The following BSDC1 variants were observed in gnomAD, a reference collection of about 807,000 sequenced individuals.
The protein encoded by BSDC1 is BSD domain containing 1, also known as BSD domain-containing protein 1.
BSDC1 carries 29 observed loss-of-function variants against 56.0 expected under a neutral mutation model. The ratio of observed to expected loss-of-function variants is 0.52; its 90% CI spans 0.39 to 0.71. BSDC1 has a LOEUF of 0.71. BSDC1 is among the 30% of genes least tolerant of loss of function. The pLI is 0.00. For synonymous variants in BSDC1, 210 were observed against 215.3 expected, an observed-to-expected ratio of 0.98 and a Z score of 0.21; for missense variants, 477 against 548.5, an observed-to-expected ratio of 0.87 and a Z score of 1.30.
chr1:32,366,318 C>T lies in BSDC1; in HGVS notation c.*304G>A, dbSNP rs1416078940. The T allele has an allele frequency of 1.7e-6, 1 of 586,592 alleles. No homozygotes were observed. The highest frequency in any genetic ancestry group is 1.9e-5 in the African/African-American group (1 of 54,008). 36.3% of individuals were successfully genotyped at this position (586,592 alleles called of 1,614,324 possible). On this transcript the variant is annotated 3_prime_UTR_variant, in exon 11 of 11. Transcript: ENST00000455895. ...CCCTTGGGACTTCCCAGCAGGAGTC[C>T]TCAGGAACAGTGGGTGTTCAGCAGA...
chr1:32,394,143 G>A lies in BSDC1; in HGVS notation c.12-3C>T. The stretch of plus-strand genomic sequence containing the variant: ...TCCGCCACCATCCCACGTCCTCCCT[G>A]TGGAAGACAGACACATCTGGCAGCA... On this transcript the variant is annotated splice_polypyrimidine_tract_variant and splice_region_variant and intron_variant, in intron 1 of 10. Transcript: ENST00000455895. The A allele has an allele frequency of 1.2e-6, 2 of 1,608,266 alleles. No individual in the cohort carries two copies. Among genetic ancestry groups the A allele is most frequent in the Non-Finnish European group, 1.7e-6 (2 of 1,177,468 alleles).
rs1021624004 is a variant in BSDC1, at chr1:32,365,561, C to G, written c.*1061G>C. Reference sequence around the variant, plus strand: ...AGATTCCTGCAGCCCCTCATTCCCCCAGAGGTGCAGCTTTACCAGAGTGGA... The same window carrying G: ...AGATTCCTGCAGCCCCTCATTCCCCGAGAGGTGCAGCTTTACCAGAGTGGA... On this transcript the variant is annotated 3_prime_UTR_variant, in exon 11 of 11. Coordinates refer to ENST00000455895, the MANE Select transcript of BSDC1 (RefSeq NM_018045.8). The G allele has an allele frequency of 2.0e-5, 3 of 152,720 alleles. No individual in the cohort carries two copies. Among genetic ancestry groups the G allele is most frequent in the African/African-American group, 4.8e-5 (2 of 41,444 alleles). The allele number at this position is 152,720 out of a possible 1,614,324, so 9.5% of individuals were successfully genotyped here.
rs192423385 is a variant in BSDC1 at position 32,381,393 on chromosome 1, A to T, written c.358-125T>A. On this transcript the variant is annotated intron_variant, in intron 4 of 10. Coordinates refer to ENST00000455895, the MANE Select transcript of BSDC1 (RefSeq NM_018045.8). The stretch of plus-strand genomic sequence containing the variant: ...CTCCCTTGTTGGCTGGGATACCCCC[A>T]GGGCATCTGTTAATTAGCACTGTGG... The T allele has an allele frequency of 1.8e-4, 162 of 920,524 alleles. 1 individual carries two copies. The African/African-American group carries it at 2.3e-3, about 13-fold the overall frequency. The allele number at this position is 920,524 out of a possible 1,614,324, so 57.0% of individuals were successfully genotyped here.
rs537756574 is a variant in BSDC1, at chr1:32,364,819, A to G, written c.*1803T>C. 1.3e-5 allele frequency among the ~76,000 whole-genome samples: 2 copies of G among 152,346 alleles called. No homozygotes were observed. Among genetic ancestry groups the G allele is most frequent in the East Asian group, 3.9e-4 (2 of 5,186 alleles). ...ACAGGGGGAAGAGAGGATAAAAATG[A>G]CCAAGAGCAACTGAAGCCATTCTTG... On this transcript the variant is annotated 3_prime_UTR_variant, in exon 11 of 11. Transcript: ENST00000455895.
intron 9 of BSDC1, among the ~76,000 whole-genome samples, chr1:32,369,717 A>G (rs905329917): frequency 2.0e-5 from 3 of 152,196 alleles, no homozygotes; most frequent in Non-Finnish European, 4.4e-5. Context: ...CATTGCTCAA[A>G]TCGTACCTTC....
At chr1:32,388,824 C>G (rs924611324) in intron 2 of BSDC1, among the ~76,000 whole-genome samples, 1 of 152,186 alleles carries the variant, frequency 6.6e-6, no homozygotes, top group East Asian at 1.9e-4. Flanking sequence ...TCTGTAAACA[C>G]GATGAAGGAA....
At chr1:32,369,882 T>C (rs1642008129) in intron 9 of BSDC1, among the ~76,000 whole-genome samples, 1 of 152,258 alleles carries the variant, frequency 6.6e-6, no homozygotes, top group African/African-American at 2.4e-5. Flanking sequence ...AACCTCCGCC[T>C]CCTGGGTTCA....
chr1:32,386,936 C>T, intron 2 of BSDC1, 41 bp from the exon 3 acceptor site: 1 of 1,505,552 alleles, frequency 6.6e-7, no homozygotes, highest in South Asian at 1.1e-5. Flanking sequence ...CAGCTGGCCC[C>T]ACCACCCCTT....
intron 10 of BSDC1, chr1:32,368,032 C>CTTTT: frequency 5.8e-6 from 6 of 1,025,752 alleles, no homozygotes; most frequent in East Asian, 6.6e-5. Flanking sequence ...TTCTTTTTTC[C>CTTTT]TTTTTTTTTT....
chr1:32,385,483 T>C (rs1023940104), intron 3 of BSDC1, among the ~76,000 whole-genome samples: 16 of 152,048 alleles, frequency 1.1e-4, no homozygotes, highest in Non-Finnish European at 7.4e-5. Context: ...TCCCAGCACT[T>C]TGGGAGGCCG....
chr1:32,394,183 C>T (rs749949954), intron 1 of BSDC1, 43 bp from the exon 2 acceptor site: 3 of 1,593,148 alleles, frequency 1.9e-6, no homozygotes, highest in Non-Finnish European at 1.7e-6. Flanking sequence ...GGTGCGATTC[C>T]TGCCCGCCCA....
At chr1:32,388,050 C>T (rs1307754503) in intron 2 of BSDC1, among the ~76,000 whole-genome samples, 2 of 152,220 alleles carry the variant, frequency 1.3e-5, no homozygotes, top group East Asian at 3.9e-4. Flanking sequence ...CCTCAGCTCA[C>T]TTCTAGGTCT....
At chr1:32,379,334 A>T (rs910177632) in intron 5 of BSDC1, among the ~76,000 whole-genome samples, 6 of 149,820 alleles carry the variant, frequency 4.0e-5, no homozygotes, top group Non-Finnish European at 7.4e-5. Flanking sequence ...CTGGCTTTTT[A>T]TTTTTTTTCC....
intron 4 of BSDC1, among the ~76,000 whole-genome samples, chr1:32,382,693 G>A (rs1452362377): frequency 3.6e-4 from 50 of 137,430 alleles, no homozygotes; most frequent in Middle Eastern, 3.8e-3. Context: ...AGACCTCATC[G>A]CTACAAAAAA....
intron 10 of BSDC1, 167 bp from the exon 11 acceptor site, chr1:32,366,821 G>C (rs1046352817): frequency 1.0e-5 from 14 of 1,368,206 alleles, no homozygotes; most frequent in Non-Finnish European, 1.3e-5. Context: ...ATGTGTCTGA[G>C]GGGCAGAGCT....
intron 9 of BSDC1, among the ~76,000 whole-genome samples, chr1:32,372,764 T>A (rs2148114616): frequency 6.6e-6 from 1 of 152,332 alleles, no homozygotes; most frequent in South Asian, 2.1e-4. Context: ...TTGCTAACTT[T>A]GTAGTGCTGT....
chr1:32,381,588 A>G (rs1642478281), intron 4 of BSDC1, among the ~76,000 whole-genome samples: 1 of 152,254 alleles, frequency 6.6e-6, no homozygotes, highest in South Asian at 2.1e-4. Flanking sequence ...GTTAGTGCCA[A>G]TATGTTAATA....
intron 9 of BSDC1, chr1:32,369,331 C>A: frequency 7.8e-7 from 1 of 1,288,124 alleles, no homozygotes; most frequent in Non-Finnish European, 1.0e-6. Flanking sequence ...TGAACTGAGA[C>A]CTTGTCTCTA....
At chr1:32,384,269 G>A (rs1329504616) in intron 3 of BSDC1, among the ~76,000 whole-genome samples, 1 of 152,092 alleles carries the variant, frequency 6.6e-6, no homozygotes, top group Non-Finnish European at 1.5e-5. Flanking sequence ...CAGTCAGGCC[G>A]GTCAAAACTT....
Sources: gnomAD v4.1 joint callset for allele counts (sites outside exome capture counted in the v4.1 genomes callset) on GRCh38, gnomAD v4.1.1 for gene constraint, MANE v1.5 for transcripts, NCBI Gene and HGNC (gene_info 2026-07-23, HGNC 2026-07-21) for gene names.